COL5A3: variants seen among roughly 807,000 people sequenced by gnomAD.
COL5A3 encodes the protein collagen alpha-3(V) chain.
COL5A3 carries 172 observed loss-of-function variants against 250.0 expected under a neutral mutation model. The observed-to-expected ratio is 0.69, with a 90% CI of 0.61 to 0.78. The LOEUF (loss-of-function observed/expected upper bound fraction) is 0.78, where lower values mean the gene tolerates loss of function less well. Ranked by LOEUF, COL5A3 falls within the 30% of genes least tolerant of loss-of-function variation. The pLI is 0.00. For synonymous variants in COL5A3, 937 were observed against 900.4 expected, an observed-to-expected ratio of 1.04 and a Z score of -0.73; for missense variants, 2,340 against 2,334.4, an observed-to-expected ratio of 1.00 and a Z score of -0.05.
intron 31 of COL5A3, among the ~76,000 whole-genome samples, chr19:9,984,211 T>C (rs1287796732): frequency 6.6e-6 from 1 of 151,980 alleles, no homozygotes; most frequent in African/African-American, 2.4e-5. Context: ...TTAGTAGAGA[T>C]GGGGTTCTGC....
intron 36 of COL5A3, 24 bp downstream of exon 36, chr19:9,979,970 C>A: frequency 6.3e-7 from 1 of 1,579,554 alleles, no homozygotes; most frequent in Non-Finnish European, 8.6e-7. Context: ...CCACCCAACC[C>A]CCAATGAGGG....
chr19:9,983,761 A>AAAGG lies in COL5A3; in HGVS notation c.2407-1647_2407-1644dup, dbSNP rs929944010. Among the ~76,000 whole-genome samples, 7 of 151,374 alleles carry AAAGG rather than the reference A, an allele frequency of 4.6e-5. 1 individual carries two copies. The East Asian group carries it at 5.8e-4, about 13-fold the overall frequency. On this transcript the variant is annotated intron_variant, in intron 31 of 66. Transcript: ENST00000264828. ...GGACGCAGTGAGGGAGGGAGGGAAGAAAGGAAGGAAGGAAGAAAGGAGGAA... is the reference window on the plus strand; with the variant it reads ...GGACGCAGTGAGGGAGGGAGGGAAGAAAGGAAGGAAGGAAGGAAGAAAGGAGGAA...
rs1039410410 is a variant in COL5A3 at position 10,009,252 on chromosome 19, T to G, written c.88+1046A>C. Among the ~76,000 whole-genome samples, 4 of 151,130 alleles carry G rather than the reference T, an allele frequency of 2.6e-5. No individual in the cohort carries two copies. The highest frequency in any genetic ancestry group is 9.7e-5 in the African/African-American group (4 of 41,044). ...GAAAGGGATTTCCAGGAGGACCTAG[T>G]CTAGGGTCTCTCAGATCAGGGAAGC... On this transcript the variant is annotated intron_variant, in intron 1 of 66. Transcript: ENST00000264828. This position sits in a 1 kb window ranked among gnomAD's most constrained non-coding sequence, Gnocchi z 4.4.
Position 9,986,586 on chromosome 19 carries a change from G to A in COL5A3, c.2211C>T (p.Gly737=), listed in dbSNP as rs1361131621. Reference sequence around the variant, plus strand: ...CTTTGAGCCCCACATCGCCCTTGAAGCCTGGGAAGCCGTCCTCTCCCTGGG... The same window carrying A: ...CTTTGAGCCCCACATCGCCCTTGAAACCTGGGAAGCCGTCCTCTCCCTGGG... ...KGEKGEDGFP[G]FKGDVGLKGD... Residue 737 remains glycine, a synonymous_variant, in exon 29 of 67, where the codon GGC becomes GGT. Transcript: ENST00000264828. 6.2e-7 allele frequency: 1 copy of A among 1,613,810 alleles called. No homozygotes were observed. Among genetic ancestry groups the A allele is most frequent in the African/African-American group, 1.3e-5 (1 of 74,892 alleles).
chr19:9,991,244 C>T (rs144796800), intron 24 of COL5A3, among the ~76,000 whole-genome samples: 1 of 151,962 alleles, frequency 6.6e-6, no homozygotes. Flanking sequence ...CCTGTCCACA[C>T]CCCCCAAAAA....
At position 9,995,684 on chromosome 19, in the gene COL5A3, T is replaced by C. The variant is rs754214452; in HGVS notation, c.1534-67A>G. ...GAAAGAGGGACTTATTCTATTGTAT[T>C]AAAAAAAATTAGAGATGGGGTCTTG... On this transcript the variant is annotated intron_variant, in intron 15 of 66. Transcript: ENST00000264828. 5.5e-6 allele frequency: 7 copies of C among 1,261,452 alleles called. No individual in the cohort carries two copies. In the African/African-American group the frequency reaches 9.0e-5, roughly 16 times the overall value. The allele number at this position is 1,261,452 out of a possible 1,614,324, so 78.1% of individuals were successfully genotyped here. A position where few individuals can be genotyped will look rare whatever the true frequency, so the allele number is the denominator to read the frequency against.
intron 19 of COL5A3, 23 bp downstream of exon 19, chr19:9,993,357 C>T: frequency 6.2e-7 from 1 of 1,613,472 alleles, no homozygotes; most frequent in South Asian, 1.1e-5. Context: ...CCAAACCAGG[C>T]CCTAACTCTC....
chr19:9,969,681 C>G lies in COL5A3; in HGVS notation c.3992G>C (p.Gly1331Ala). ...TGGGGGCCCATCAGGACCTGGCTCCCCCTGAAATGGACACAGGCAAGGGAG... is the reference window on the plus strand; with the variant it reads ...TGGGGGCCCATCAGGACCTGGCTCCGCCTGAAATGGACACAGGCAAGGGAG... ...EGREGEKGAK[G>A]EPGPDGPPGR... The change falls in exon 56 of 67, where the codon GGG becomes GCG. Residue 1331 changes from glycine to alanine, a missense_variant and splice_region_variant. Gly to Ala is a moderately conservative substitution (Grantham distance 60). Transcript: ENST00000264828. 2 of 1,587,604 alleles carry G rather than the reference C, an allele frequency of 1.3e-6. No homozygotes were observed. Among genetic ancestry groups the G allele is most frequent in the Non-Finnish European group, 8.5e-7 (1 of 1,172,560 alleles).
chr19:9,986,118 T>C (rs1229354439), intron 30 of COL5A3, among the ~76,000 whole-genome samples, 197 bp downstream of exon 30: 2 of 152,216 alleles, frequency 1.3e-5, no homozygotes, highest in South Asian at 2.1e-4. Flanking sequence ...AAAATGCCTA[T>C]TGCATGTGGT....
intron 37 of COL5A3, 130 bp downstream of exon 37, chr19:9,979,709 C>G: frequency 1.1e-6 from 1 of 908,602 alleles, no homozygotes; most frequent in Non-Finnish European, 1.7e-6. Context: ...TTGCTTGAAC[C>G]TGGGAGGCAA....
rs1201963686 is a variant in COL5A3, at chr19:9,960,632, C to T, written c.5091+19G>A. ...ATCTTGCCTCCCCTCTCTAGCTGGC[C>T]ACTGCCCCACCCTCTTACCCGGCAG... On this transcript the variant is annotated intron_variant, in intron 66 of 66. Transcript: ENST00000264828. 1.9e-6 allele frequency: 3 copies of T among 1,613,706 alleles called. No individual in the cohort carries two copies. Among genetic ancestry groups the T allele is most frequent in the Non-Finnish European group, 1.7e-6 (2 of 1,179,802 alleles).
At position 9,996,517 on chromosome 19, in the gene COL5A3, C is replaced by T; in HGVS notation, c.1339-1G>A. ...TAAAGGAGCCGCCTGCAAACTGGAACTGGGAGGAATTTAGTGGTGAGGGAA... is the reference window on the plus strand; with the variant it reads ...TAAAGGAGCCGCCTGCAAACTGGAATTGGGAGGAATTTAGTGGTGAGGGAA... On this transcript the variant is annotated splice_acceptor_variant, in intron 12 of 66. Coordinates refer to ENST00000264828, the MANE Select transcript of COL5A3 (RefSeq NM_015719.4). LOFTEE classifies it high-confidence loss of function. The T allele has an allele frequency of 6.2e-7, 1 of 1,614,140 alleles. No homozygotes were observed. The highest frequency in any genetic ancestry group is 1.7e-5 in the Admixed American group (1 of 60,020).
At chr19:9,999,956 CTA>C (rs2087334440) in intron 8 of COL5A3, among the ~76,000 whole-genome samples, 1 of 152,064 alleles carries the variant, frequency 6.6e-6, no homozygotes, top group Non-Finnish European at 1.5e-5. Context: ...TAGGGTCTCG[CTA>C]TGTTACCCAG....
Position 9,986,743 on chromosome 19 carries a change from G to A in COL5A3, c.2161C>T (p.Arg721Trp), listed in dbSNP as rs778646639. The A allele has an allele frequency of 3.2e-5, 51 of 1,610,690 alleles. No homozygotes were observed. The highest frequency in any genetic ancestry group is 1.7e-4 in the Admixed American group (10 of 59,648). ...TCGCCTTTCTCCCCCTGGAGGCCCC[G>A]GTTGCCTGAAGTGCCCTGGAAAATA... The part of the protein sequence containing the change: ...PRGVKGTSGN[R>W]GLQGEKGEKG... The change falls in exon 28 of 67, where the codon CGG becomes TGG. Residue 721 changes from arginine (R) to tryptophan (W), a missense_variant. Coordinates refer to ENST00000264828, the MANE Select transcript of COL5A3 (RefSeq NM_015719.4).
At chr19:9,973,240 G>T (rs1212714845) in intron 50 of COL5A3, among the ~76,000 whole-genome samples, 2 of 152,180 alleles carry the variant, frequency 1.3e-5, no homozygotes, top group Admixed American at 1.3e-4. Context: ...CATGTGCAAG[G>T]TTGGCCTAGC....
intron 16 of COL5A3, 44 bp from the exon 17 acceptor site, chr19:9,993,850 G>C (rs1168171739): frequency 6.4e-7 from 1 of 1,558,444 alleles, no homozygotes. Context: ...AGCCTTCCCT[G>C]TACCCCTCCA....
rs1946198523 is a variant in COL5A3, at chr19:10,009,688, G to A, written c.88+610C>T. Among the ~76,000 whole-genome samples, 1 of 152,078 alleles carries A rather than the reference G, an allele frequency of 6.6e-6. No homozygotes were observed. The highest frequency in any genetic ancestry group is 2.4e-5 in the African/African-American group (1 of 41,386). On this transcript the variant is annotated intron_variant, in intron 1 of 66. Coordinates refer to ENST00000264828, the MANE Select transcript of COL5A3 (RefSeq NM_015719.4). This position sits in a 1 kb window ranked among gnomAD's most constrained non-coding sequence, Gnocchi z 4.4. Reference sequence around the variant, plus strand: ...GGGGCAGAGGAGGAAAAGGGAGAATGAGGTGAAGCCATTTAAAGAGACGCA... The same window carrying A: ...GGGGCAGAGGAGGAAAAGGGAGAATAAGGTGAAGCCATTTAAAGAGACGCA...
chr19:9,973,464 G>A (rs1279952409), intron 50 of COL5A3, 106 bp downstream of exon 50: 4 of 1,130,898 alleles, frequency 3.5e-6, no homozygotes, highest in African/African-American at 1.6e-5. Context: ...CAGGACAGGG[G>A]TGAGTGGATG....
chr19:9,990,164 A>G (rs954921356), intron 24 of COL5A3, among the ~76,000 whole-genome samples: 6 of 151,280 alleles, frequency 4.0e-5, no homozygotes, highest in Non-Finnish European at 8.9e-5. Flanking sequence ...AAGGCCGAGG[A>G]GGGTGGATCA....
Sources: allele counts gnomAD v4.1 joint callset (sites outside exome capture counted in the v4.1 genomes callset), GRCh38; gene constraint gnomAD v4.1.1; non-coding constraint Gnocchi (gnomAD v3.1); transcripts MANE v1.5; gene names NCBI Gene and HGNC (gene_info 2026-07-23, HGNC 2026-07-21).